FBXW7: variants seen among roughly 807,000 people sequenced by gnomAD.
FBXW7 encodes the protein F-box and WD repeat domain containing 7.
In FBXW7, 11 loss-of-function variants were observed where a neutral mutation model predicts 86.3. The ratio of observed to expected loss-of-function variants is 0.13; its 90% CI spans 0.08 to 0.21. The LOEUF (loss-of-function observed/expected upper bound fraction) is 0.21. Ranked by LOEUF, FBXW7 falls within the 10% of genes least tolerant of loss-of-function variation. The pLI, the probability that FBXW7 is intolerant of heterozygous loss-of-function variation, is 1.00. For synonymous variants in FBXW7, 313 were observed against 297.9 expected, an observed-to-expected ratio of 1.05 and a Z score of -0.52; for missense variants, 488 against 847.4, an observed-to-expected ratio of 0.58 and a Z score of 5.27.
intron 4 of FBXW7, among the ~76,000 whole-genome samples, chr4:152,393,673 A>C (rs1232751567): frequency 1.3e-5 from 2 of 152,144 alleles, no homozygotes; most frequent in East Asian, 3.8e-4. Context: ...AACTGTTGGC[A>C]CTTACTCCTC....
rs373847836 is a variant in FBXW7 at position 152,453,717 on chromosome 4, T to C, written c.-119-41188A>G. Among the ~76,000 whole-genome samples the C allele has an allele frequency of 3.2e-3, 480 of 152,306 alleles. 5 individuals carry two copies. Among genetic ancestry groups the C allele is most frequent in the Non-Finnish European group, 6.0e-3 (409 of 68,026 alleles). On this transcript the variant is annotated intron_variant, in intron 2 of 13. Coordinates refer to ENST00000281708, the MANE Select transcript of FBXW7 (RefSeq NM_001349798.2). ...AAGATTTAAGAACATTTTTTAAATG[T>C]TGAAAGAGTGGTGGCAGCAAAAACG...
intron 2 of FBXW7, among the ~76,000 whole-genome samples, chr4:152,534,351 TAAC>T (rs1750279522): frequency 6.6e-6 from 1 of 152,174 alleles, no homozygotes; most frequent in Non-Finnish European, 1.5e-5. Flanking sequence ...TTGTGATTCC[TAAC>T]AACTCAAGTT....
chr4:152,478,136 A>G (rs1744585725), intron 2 of FBXW7, among the ~76,000 whole-genome samples: 1 of 152,136 alleles, frequency 6.6e-6, no homozygotes, highest in African/African-American at 2.4e-5. Flanking sequence ...AGCATTGAGT[A>G]CATTCAGAAT....
chr4:152,451,019 G>C (rs559512801), intron 2 of FBXW7, among the ~76,000 whole-genome samples: 1 of 152,226 alleles, frequency 6.6e-6, no homozygotes, highest in Admixed American at 6.5e-5. Flanking sequence ...TTCCACATCA[G>C]CTAATTTGAT....
chr4:152,323,177 A>G (rs2126467240), intron 13 of FBXW7, 28 bp from the exon 14 acceptor site: 1 of 1,604,718 alleles, frequency 6.2e-7, no homozygotes, highest in South Asian at 1.1e-5. Context: ...GAATTTAATT[A>G]CTGGTTAGAA....
intron 4 of FBXW7, among the ~76,000 whole-genome samples, chr4:152,377,448 G>A (rs1160960684): frequency 1.3e-5 from 2 of 151,952 alleles, no homozygotes; most frequent in African/African-American, 2.4e-5. Context: ...ATAAAAAGCA[G>A]TATGTTAAAA....
chr4:152,411,535 T>C lies in FBXW7; in HGVS notation c.269A>G (p.Asp90Gly). The C allele has an allele frequency of 6.2e-7, 1 of 1,613,826 alleles. No individual in the cohort carries two copies. The highest frequency in any genetic ancestry group is 8.5e-7 in the Non-Finnish European group (1 of 1,179,918). The change falls in exon 4 of 14, where the codon GAC becomes GGC. Residue 90 changes from aspartate to glycine, a missense_variant. Physicochemically the swap from Asp to Gly is moderately conservative, Grantham distance 94 (BLOSUM62 -1). Coordinates refer to ENST00000281708, the MANE Select transcript of FBXW7 (RefSeq NM_001349798.2). ...TTGTTCTTCTTGGTTTCCTGAGGAG[T>C]CCTCATCTACCGAAATAAATCTATT... ...NNNRFISVDE[D>G]SSGNQEEQEE...
intron 2 of FBXW7, among the ~76,000 whole-genome samples, chr4:152,502,135 T>C (rs1372228403): frequency 1.3e-5 from 2 of 152,182 alleles, no homozygotes; most frequent in South Asian, 4.1e-4. Context: ...ATTTCTAATA[T>C]ATTAGCTATT....
intron 2 of FBXW7, among the ~76,000 whole-genome samples, chr4:152,428,013 G>T (rs1056567835): frequency 2.6e-5 from 4 of 152,138 alleles, no homozygotes; most frequent in African/African-American, 9.7e-5. Context: ...GTTAGAGAAT[G>T]ATTTTCTTGC....
chr4:152,322,888 A>G lies in FBXW7; in HGVS notation c.2117T>C (p.Met706Thr), dbSNP rs764051432. 1.2e-6 allele frequency: 2 copies of G among 1,613,336 alleles called. No individual in the cohort carries two copies. Among genetic ancestry groups the G allele is most frequent in the Non-Finnish European group, 1.7e-6 (2 of 1,179,672 alleles). Residue 706 changes from methionine to threonine, a missense_variant, in exon 14 of 14, where the codon ATG becomes ACG. Physicochemically the swap from Met to Thr is moderately conservative, Grantham distance 81. Around this residue, in one of 4 missense-constraint regions of FBXW7, gnomAD observed 142 missense variants for 406.6 expected, o/e 0.35. Transcript: ENST00000281708. ...KLLVLDFDVD[M>T]K ...ATTCATCTTTTCTGCTCTTCACTTC[A>G]TGTCCACATCAAAGTCCAGCACCAG...
chr4:152,447,285 T>C lies in FBXW7; in HGVS notation c.-119-34756A>G, dbSNP rs746577577. On this transcript the variant is annotated intron_variant, in intron 2 of 13. Transcript: ENST00000281708. Reference sequence around the variant, plus strand: ...ATGTGGTTGAGAGAAATGGTGTCTCTATCATGGCAAGAACAGAAACAGGGA... The same window carrying C: ...ATGTGGTTGAGAGAAATGGTGTCTCCATCATGGCAAGAACAGAAACAGGGA... 1.1e-4 allele frequency among the ~76,000 whole-genome samples: 17 copies of C among 152,226 alleles called. 1 individual carries two copies. Among genetic ancestry groups the C allele is most frequent in the Non-Finnish European group, 2.2e-4 (15 of 68,028 alleles).
rs961670657 is a variant in FBXW7 at position 152,322,534 on chromosome 4, G to A, written c.*347C>T. On this transcript the variant is annotated 3_prime_UTR_variant, in exon 14 of 14. Transcript: ENST00000281708. Reference sequence around the variant, plus strand: ...AGAACAGGCTAGCAGAATCTGTAATGATGTTTCAGCATTAACACTGCCCAA... The same window carrying A: ...AGAACAGGCTAGCAGAATCTGTAATAATGTTTCAGCATTAACACTGCCCAA... 1.4e-5 allele frequency: 4 copies of A among 289,104 alleles called. No homozygotes were observed. The highest frequency in any genetic ancestry group is 1.4e-4 in the Admixed American group (3 of 21,756). 17.9% of individuals were successfully genotyped at this position (289,104 alleles called of 1,614,324 possible). A position where few individuals can be genotyped will look rare whatever the true frequency, so the allele number is the denominator to read the frequency against.
chr4:152,391,565 T>C (rs1304632486), intron 4 of FBXW7, among the ~76,000 whole-genome samples: 1 of 152,102 alleles, frequency 6.6e-6, no homozygotes, highest in Non-Finnish European at 1.5e-5. Flanking sequence ...GTAAGAGATA[T>C]AAAGGAAGTC....
intron 4 of FBXW7, 59 bp downstream of exon 4, chr4:152,411,244 T>C (rs1737924933): frequency 9.4e-6 from 14 of 1,481,994 alleles, no homozygotes; most frequent in Non-Finnish European, 1.3e-5. Flanking sequence ...GAAAGTTTCA[T>C]TACAATTAAA....
chr4:152,523,003 C>G (rs1259476979), intron 2 of FBXW7, among the ~76,000 whole-genome samples: 1 of 152,188 alleles, frequency 6.6e-6, no homozygotes, highest in Admixed American at 6.5e-5. Flanking sequence ...TCTTATCTAG[C>G]ACTAAAAACT....
chr4:152,536,006 C>T lies in FBXW7; in HGVS notation c.-1092G>A. 4.3e-6 allele frequency: 1 copy of T among 233,732 alleles called. No homozygotes were observed. Among genetic ancestry groups the T allele is most frequent in the Non-Finnish European group, 8.2e-6 (1 of 121,474 alleles). 14.5% of individuals were successfully genotyped at this position (233,732 alleles called of 1,614,324 possible). A position where few individuals can be genotyped will look rare whatever the true frequency, so the allele number is the denominator to read the frequency against. ...CCTTCGCTCTCAGTCTCAGCGGCGG[C>T]GGCGGCGGCAGCGGCAGCGGCAGCG... is the stretch of plus-strand genomic sequence containing the variant. On this transcript the variant is annotated 5_prime_UTR_variant, in exon 1 of 14. Transcript: ENST00000281708.
At chr4:152,329,605 C>A in intron 10 of FBXW7, 67 bp downstream of exon 10, 1 of 698,484 alleles carries the variant, frequency 1.4e-6, no homozygotes, top group South Asian at 2.5e-5. Flanking sequence ...TTTCTTTTTT[C>A]CAGTTGCTAC....
chr4:152,515,553 T>A (rs778824423), intron 2 of FBXW7, among the ~76,000 whole-genome samples: 10 of 152,194 alleles, frequency 6.6e-5, no homozygotes, highest in Non-Finnish European at 1.0e-4. Context: ...TATATCACCA[T>A]AATTATTACT....
At chr4:152,438,966 C>T (rs766389862) in intron 2 of FBXW7, among the ~76,000 whole-genome samples, 1 of 152,122 alleles carries the variant, frequency 6.6e-6, no homozygotes, top group African/African-American at 2.4e-5. Flanking sequence ...ATCATTTGGG[C>T]GATGAGGTCA....
Sources: gnomAD v4.1 joint callset for allele counts (sites outside exome capture counted in the v4.1 genomes callset) on GRCh38, gnomAD v4.1.1 for gene constraint, gnomAD v4.1.1 regional missense constraint, MANE v1.5 for transcripts, NCBI Gene and HGNC (gene_info 2026-07-23, HGNC 2026-07-21) for gene names.